EYS: variants seen among roughly 807,000 people sequenced by gnomAD.
The protein encoded by EYS is protein eyes shut homolog.
In EYS, 250 loss-of-function variants were observed where a neutral mutation model predicts 282.1. The ratio of observed to expected loss-of-function variants is 0.89; its 90% CI spans 0.80 to 0.98. EYS has a LOEUF of 0.98. EYS is among the 50% of genes least tolerant of loss of function. The probability of loss-of-function intolerance (pLI) is 0.00; values close to 1 mark genes in which losing one functional copy is unlikely to be tolerated. For missense variants in EYS, 4,016 were observed against 3,709.0 expected (o/e 1.08, Z -2.15); for synonymous variants, 1,355 against 1,282.9 (o/e 1.06, Z -1.20).
At chr6:64,474,427 T>C (rs1403009117) in intron 26 of EYS, among the ~76,000 whole-genome samples, 3 of 152,222 alleles carry the variant, frequency 2.0e-5, no homozygotes, top group Non-Finnish European at 4.4e-5. Flanking sequence ...CCTTTATTTT[T>C]CTTTGTTCAT....
chr6:64,600,228 T>C (rs1363781275), intron 24 of EYS, among the ~76,000 whole-genome samples: 1 of 151,978 alleles, frequency 6.6e-6, no homozygotes, highest in East Asian at 1.9e-4. Flanking sequence ...TTCAGCTCTC[T>C]TTTTTTTCAA....
At chr6:64,059,339 G>T (rs149686345) in intron 33 of EYS, among the ~76,000 whole-genome samples, 63 of 151,928 alleles carry the variant, frequency 4.1e-4, no homozygotes, top group African/African-American at 1.4e-3. Context: ...TTTAAATTTT[G>T]CTAATTGCCA....
At chr6:65,055,900 T>C (rs1162285125) in intron 13 of EYS, among the ~76,000 whole-genome samples, 2 of 152,024 alleles carry the variant, frequency 1.3e-5, no homozygotes, top group Admixed American at 6.6e-5. Context: ...AAAGCTGCTC[T>C]TCCCTCCATG....
intron 12 of EYS, among the ~76,000 whole-genome samples, chr6:65,234,320 C>T (rs1214633985): frequency 6.6e-6 from 1 of 152,156 alleles, no homozygotes; most frequent in Non-Finnish European, 1.5e-5. Flanking sequence ...TTATTATTTC[C>T]TGGTCTTTCT....
intron 5 of EYS, among the ~76,000 whole-genome samples, chr6:65,488,476 A>G (rs1765898184): frequency 6.6e-6 from 1 of 152,202 alleles, no homozygotes; most frequent in African/African-American, 2.4e-5. Flanking sequence ...GAAATAAGAG[A>G]GGACACAAAC....
At chr6:63,785,434 A>T (rs1227493237) in intron 39 of EYS, among the ~76,000 whole-genome samples, 1 of 152,102 alleles carries the variant, frequency 6.6e-6, no homozygotes, top group Non-Finnish European at 1.5e-5. Flanking sequence ...CATGAGCCTC[A>T]TTCTGAGAAC....
intron 28 of EYS, among the ~76,000 whole-genome samples, chr6:64,433,365 T>G (rs1582746541): frequency 1.3e-5 from 2 of 152,148 alleles, no homozygotes; most frequent in South Asian, 4.1e-4. Flanking sequence ...GCTGCAACAT[T>G]CATGAATTGT....
chr6:65,225,259 CTAAT>C (rs1354872950), intron 12 of EYS, among the ~76,000 whole-genome samples: 3 of 149,582 alleles, frequency 2.0e-5, no homozygotes, highest in Admixed American at 6.7e-5. Context: ...AAACTAAAAA[CTAAT>C]TATAATGTAT....
At chr6:64,821,606 AT>A (rs1764901045) in intron 21 of EYS, 38 bp downstream of exon 21, 3 of 1,101,014 alleles carry the variant, frequency 2.7e-6, no homozygotes, top group Middle Eastern at 2.9e-4. Flanking sequence ...TTTAAATTAA[AT>A]TTTTGTCATA....
intron 2 of EYS, among the ~76,000 whole-genome samples, chr6:65,520,597 G>A (rs1767329122): frequency 6.6e-6 from 1 of 151,514 alleles, no homozygotes; most frequent in South Asian, 2.1e-4. Context: ...TTATGTAACA[G>A]TCTATTCCTG....
At chr6:64,934,116 C>T (rs1045479792) in intron 15 of EYS, among the ~76,000 whole-genome samples, 23 of 150,908 alleles carry the variant, frequency 1.5e-4, no homozygotes, top group African/African-American at 5.6e-4. Context: ...GTACATGTAT[C>T]CCAGAACTTA....
At chr6:65,514,715 G>A (rs1767050947) in intron 2 of EYS, among the ~76,000 whole-genome samples, 1 of 152,186 alleles carries the variant, frequency 6.6e-6, no homozygotes, top group Admixed American at 6.5e-5. Flanking sequence ...AATAAATGGT[G>A]CTGGGAAAAC....
intron 2 of EYS, among the ~76,000 whole-genome samples, chr6:65,576,525 AG>A (rs1320746044): frequency 6.6e-6 from 1 of 151,986 alleles, no homozygotes; most frequent in East Asian, 1.9e-4. Flanking sequence ...GAATAAGACA[AG>A]TATGCCCACT....
Position 65,370,864 on chromosome 6 carries a change from T to C in EYS, c.1299+13522A>G, listed in dbSNP as rs1582200167. Among the ~76,000 whole-genome samples the C allele has an allele frequency of 2.0e-5, 3 of 152,082 alleles. No individual in the cohort carries two copies. In the East Asian group the frequency reaches 5.8e-4, roughly 29 times the overall value. On this transcript the variant is annotated intron_variant, in intron 8 of 42. Transcript: ENST00000503581. Reference sequence around the variant, plus strand: ...TTTTCTGCCTTCCCTGGAAGAAAGTTAGTACCATATAAAGAAACAAATATA... The same window carrying C: ...TTTTCTGCCTTCCCTGGAAGAAAGTCAGTACCATATAAAGAAACAAATATA...
Position 65,232,104 on chromosome 6 carries a change from A to G in EYS, c.2023+63759T>C, listed in dbSNP as rs370817890. Among the ~76,000 whole-genome samples the G allele has an allele frequency of 1.6e-4, 24 of 152,196 alleles. No homozygotes were observed. The East Asian group carries it at 4.2e-3, about 27-fold the overall frequency. ...GAAGATATGATACATTATATTATATACAGTTTCTTCAGCCTTCTCTTTTCT... is the reference window on the plus strand; with the variant it reads ...GAAGATATGATACATTATATTATATGCAGTTTCTTCAGCCTTCTCTTTTCT... On this transcript the variant is annotated intron_variant, in intron 12 of 42. Transcript: ENST00000503581.
intron 11 of EYS, among the ~76,000 whole-genome samples, chr6:65,321,248 C>G (rs1451470986): frequency 6.6e-6 from 1 of 150,814 alleles, no homozygotes; most frequent in Non-Finnish European, 1.5e-5. Flanking sequence ...CATTGGAAGG[C>G]CTGGAAGTGT....
chr6:65,069,065 C>T (rs1773832663), intron 12 of EYS, among the ~76,000 whole-genome samples: 2 of 151,926 alleles, frequency 1.3e-5, no homozygotes, highest in East Asian at 1.9e-4. Flanking sequence ...ACATTTTCTC[C>T]TACATTTTTG....
chr6:65,562,431 T>A (rs1582458966), intron 2 of EYS, among the ~76,000 whole-genome samples: 1 of 151,940 alleles, frequency 6.6e-6, no homozygotes, highest in East Asian at 1.9e-4. Context: ...AATTTGTAGT[T>A]AACATAAGGA....
Position 64,685,915 on chromosome 6 carries a change from A to C in EYS, c.3444-59670T>G, listed in dbSNP as rs117674458. 3.0e-3 allele frequency among the ~76,000 whole-genome samples: 455 copies of C among 152,254 alleles called. 4 individuals are homozygous for C. In the East Asian group the frequency reaches 0.043, roughly 15 times the overall value. On this transcript the variant is annotated intron_variant, in intron 22 of 42. Coordinates refer to ENST00000503581, the MANE Select transcript of EYS (RefSeq NM_001142800.2). ...GCTGGGCTACAGAATATATCTCAGT[A>C]AATTGTAAGAGTTTGAAATCTTATA...
Sources: allele counts gnomAD v4.1 joint callset (sites outside exome capture counted in the v4.1 genomes callset), GRCh38; gene constraint gnomAD v4.1.1; transcripts MANE v1.5; gene names NCBI Gene and HGNC (gene_info 2026-07-23, HGNC 2026-07-21).